Variants in UNC13C observed in about 807,000 individuals in gnomAD.
The protein encoded by UNC13C is protein unc-13 homolog C.
In UNC13C, 174 loss-of-function variants were observed where a neutral mutation model predicts 245.4. The observed-to-expected ratio is 0.71, with a 90% confidence interval of 0.63 to 0.80. UNC13C has a LOEUF of 0.80. Ranked by LOEUF, UNC13C falls within the 30% of genes least tolerant of loss-of-function variation. The probability of loss-of-function intolerance (pLI) is 0.00; values close to 1 mark genes in which losing one functional copy is unlikely to be tolerated. For synonymous variants in UNC13C, 992 were observed against 895.1 expected, an observed-to-expected ratio of 1.11 and a Z score of -1.93; for missense variants, 2,829 against 2,602.9, an observed-to-expected ratio of 1.09 and a Z score of -1.89.
At position 54,207,106 on chromosome 15, in the gene UNC13C, T is replaced by TTGA. The variant is rs948287087; in HGVS notation, c.3072-27903_3072-27901dup. Among the ~76,000 whole-genome samples, 452 of 149,854 alleles carry TTGA rather than the reference T, an allele frequency of 3.0e-3. 1 individual carries two copies. The highest frequency in any genetic ancestry group is 0.017 in the East Asian group (86 of 5,122). The stretch of plus-strand genomic sequence containing the variant: ...AAGGTAAGGTAGCAGTGGCACTTTA[T>TTGA]TGATGATGATGATGATGATGATGGT... On this transcript the variant is annotated intron_variant, in intron 4 of 32. Transcript: ENST00000260323.
rs768760711 is a variant in UNC13C, at chr15:54,235,149, GT to G, written c.3150+48del. 4 of 1,567,698 alleles carry G rather than the reference GT, an allele frequency of 2.6e-6. No homozygotes were observed. In the African/African-American group the frequency reaches 4.1e-5, roughly 16 times the overall value. ...TTAATTCTCTTCGATTGCATGTGTG[GT>G]TTTTTTCCTTACTAAAATGTAATGT... On this transcript the variant is annotated intron_variant, in intron 5 of 32. Coordinates refer to ENST00000260323, the MANE Select transcript of UNC13C (RefSeq NM_001080534.3).
chr15:54,465,440 A>G (rs1001876303), intron 19 of UNC13C, among the ~76,000 whole-genome samples: 1 of 152,036 alleles, frequency 6.6e-6, no homozygotes, highest in Non-Finnish European at 1.5e-5. Flanking sequence ...TGAGTTATAG[A>G]CTGCTTATGG....
intron 1 of UNC13C, among the ~76,000 whole-genome samples, chr15:53,996,954 C>T (rs1595692571): frequency 6.6e-6 from 1 of 151,644 alleles, no homozygotes; most frequent in African/African-American, 2.4e-5. Flanking sequence ...GTTACTGAAT[C>T]ATAGGGTGCA....
intron 4 of UNC13C, among the ~76,000 whole-genome samples, chr15:54,154,171 A>G (rs935053392): frequency 2.0e-5 from 3 of 151,760 alleles, no homozygotes; most frequent in African/African-American, 7.3e-5. Flanking sequence ...GTACCTATTA[A>G]CCTCTCTTCT....
At chr15:54,369,662 C>G (rs2039444862) in intron 17 of UNC13C, among the ~76,000 whole-genome samples, 1 of 152,066 alleles carries the variant, frequency 6.6e-6, no homozygotes, top group Non-Finnish European at 1.5e-5. Context: ...CTTAGATTGT[C>G]TTTTCTATAT....
rs2414277 is a variant in UNC13C, at chr15:53,978,596, C to T, written c.-588C>T. On this transcript the variant is annotated 5_prime_UTR_variant, in exon 1 of 33. Coordinates refer to ENST00000260323, the MANE Select transcript of UNC13C (RefSeq NM_001080534.3). ...TGGGAGAAAGAGATGAGAAATGAGC[C>T]GCGGAAGGTATTTGGCAATGAGAAG... Among the ~76,000 whole-genome samples, 52,573 of 151,988 alleles carry T rather than the reference C, an allele frequency of 0.35. 10,910 individuals carry two copies. The highest frequency in any genetic ancestry group is 0.49 in the Middle Eastern group (144 of 294).
At chr15:54,418,142 T>C (rs1445270099) in intron 19 of UNC13C, among the ~76,000 whole-genome samples, 1 of 152,112 alleles carries the variant, frequency 6.6e-6, no homozygotes, top group Non-Finnish European at 1.5e-5. Flanking sequence ...TAGTAAAGCT[T>C]TAGCTCATCA....
chr15:54,565,847 CAT>C (rs938727902), intron 29 of UNC13C, among the ~76,000 whole-genome samples: 1 of 152,000 alleles, frequency 6.6e-6, no homozygotes, highest in African/African-American at 2.4e-5. Context: ...AAATGTGTAT[CAT>C]AGACAGAATA....
chr15:54,457,506 G>A (rs751643417), intron 19 of UNC13C, among the ~76,000 whole-genome samples: 15 of 151,832 alleles, frequency 9.9e-5, no homozygotes, highest in Admixed American at 3.9e-4. Flanking sequence ...CCATCTGGCC[G>A]TGGACTTTTT....
At chr15:54,360,591 C>A (rs1329559918) in intron 17 of UNC13C, among the ~76,000 whole-genome samples, 1 of 151,988 alleles carries the variant, frequency 6.6e-6, no homozygotes, top group South Asian at 2.1e-4. Flanking sequence ...TCTGTTTTAT[C>A]TGATATAAGC....
the UNC13C span, among the ~76,000 whole-genome samples, chr15:53,886,347 C>T: frequency 6.6e-6 from 1 of 151,992 alleles, no homozygotes; most frequent in East Asian, 1.9e-4. Context: ...CAAAAACAAA[C>T]CCAAACCTAC....
chr15:54,357,887 ATG>A (rs2039133404), intron 17 of UNC13C, among the ~76,000 whole-genome samples: 1 of 151,416 alleles, frequency 6.6e-6, no homozygotes, highest in African/African-American at 2.4e-5. Flanking sequence ...ATTATTTTAT[ATG>A]TGTTTGTATG....
the UNC13C span, among the ~76,000 whole-genome samples, chr15:53,855,929 T>A: frequency 6.6e-6 from 1 of 152,192 alleles, no homozygotes; most frequent in East Asian, 1.9e-4. Flanking sequence ...CCTGGGCTTT[T>A]TTTATTGGTA....
chr15:54,248,515 T>C (rs1345521899), intron 7 of UNC13C, among the ~76,000 whole-genome samples: 1 of 152,198 alleles, frequency 6.6e-6, no homozygotes, highest in African/African-American at 2.4e-5. Context: ...CTCTTAACAG[T>C]TCTTTATAAG....
intron 4 of UNC13C, among the ~76,000 whole-genome samples, chr15:54,185,094 C>T (rs12898749): frequency 0.15 from 23,055 of 152,090 alleles, 2,178 homozygotes; most frequent in Non-Finnish European, 0.2. Context: ...TCATATCCTT[C>T]GCTCACTTTT....
At chr15:54,270,278 T>G (rs2036652401) in intron 10 of UNC13C, among the ~76,000 whole-genome samples, 1 of 152,222 alleles carries the variant, frequency 6.6e-6, no homozygotes, top group South Asian at 2.1e-4. Context: ...ACATCACAGA[T>G]GAACTCATCC....
intron 17 of UNC13C, among the ~76,000 whole-genome samples, chr15:54,354,356 C>G (rs1180307106): frequency 6.6e-6 from 1 of 152,146 alleles, no homozygotes; most frequent in African/African-American, 2.4e-5. Context: ...TGCTATAACA[C>G]CATGCACTGA....
At chr15:54,462,940 C>G (rs1351590400) in intron 19 of UNC13C, among the ~76,000 whole-genome samples, 1 of 152,118 alleles carries the variant, frequency 6.6e-6, no homozygotes, top group African/African-American at 2.4e-5. Flanking sequence ...GCTTGGAGAA[C>G]TTTCGTGTCT....
intron 4 of UNC13C, among the ~76,000 whole-genome samples, chr15:54,183,036 A>G (rs903431983): frequency 5.3e-5 from 8 of 151,986 alleles, no homozygotes; most frequent in African/African-American, 1.9e-4. Flanking sequence ...AATAACCACT[A>G]TAATAAAATA....
Sources: allele counts gnomAD v4.1 joint callset (sites outside exome capture counted in the v4.1 genomes callset), GRCh38; gene constraint gnomAD v4.1.1; transcripts MANE v1.5; gene names NCBI Gene and HGNC (gene_info 2026-07-23, HGNC 2026-07-21).